Variants in ACOT11 observed in about 807,000 individuals in gnomAD.
ACOT11 encodes acyl-coenzyme A thioesterase 11.
In ACOT11, 69 loss-of-function variants were observed where a neutral mutation model predicts 77.5. That is an observed-to-expected ratio of 0.89 (90% CI 0.73 to 1.09). ACOT11 has a LOEUF of 1.09. Ranked by LOEUF, ACOT11 falls within the 50% of genes least tolerant of loss-of-function variation. The pLI, the probability that ACOT11 is intolerant of heterozygous loss-of-function variation, is 0.00. For synonymous variants in ACOT11, 279 were observed against 313.0 expected (o/e 0.89, Z 1.15); for missense variants, 766 against 813.7 (o/e 0.94, Z 0.71).
chr1:54,634,550 A>G (rs1030043286), intron 16 of ACOT11: 8 of 546,092 alleles, frequency 1.5e-5, no homozygotes, highest in Non-Finnish European at 2.6e-5. Flanking sequence ...AAAACAAAAA[A>G]GGTGGAAAAA....
At chr1:54,583,033 C>A (rs1486133555) in intron 1 of ACOT11, among the ~76,000 whole-genome samples, 1 of 152,170 alleles carries the variant, frequency 6.6e-6, no homozygotes, top group Non-Finnish European at 1.5e-5. Flanking sequence ...CGTATCCATG[C>A]AGGCCCCCAG....
chr1:54,620,960 G>C (rs1644224637), intron 15 of ACOT11, among the ~76,000 whole-genome samples: 1 of 146,038 alleles, frequency 6.8e-6, no homozygotes, highest in African/African-American at 2.5e-5. Flanking sequence ...AGGAGTTCAA[G>C]ACCAGCCTGG....
chr1:54,567,794 A>G (rs920925683), intron 1 of ACOT11, among the ~76,000 whole-genome samples: 1 of 151,306 alleles, frequency 6.6e-6, no homozygotes, highest in Admixed American at 6.6e-5. Flanking sequence ...TCCTGGCTCC[A>G]CCTCTCTGCC....
chr1:54,572,649 C>T (rs1653964122), intron 1 of ACOT11, among the ~76,000 whole-genome samples: 1 of 152,192 alleles, frequency 6.6e-6, no homozygotes, highest in African/African-American at 2.4e-5. Flanking sequence ...TCGCTTCTGG[C>T]CACTTTTGTG....
intron 16 of ACOT11, among the ~76,000 whole-genome samples, chr1:54,634,067 G>A (rs1644316206): frequency 6.6e-6 from 1 of 152,162 alleles, no homozygotes; most frequent in Non-Finnish European, 1.5e-5. Flanking sequence ...GATAGGGATT[G>A]GGAGAACTCG....
chr1:54,578,762 C>G (rs563019038), intron 1 of ACOT11, among the ~76,000 whole-genome samples: 1 of 151,778 alleles, frequency 6.6e-6, no homozygotes, highest in African/African-American at 2.4e-5. Context: ...GAAGCACCTA[C>G]CATTTGGAAG....
At chr1:54,635,344 G>T in exon 17 of ACOT11, 1 of 270,550 alleles carries the variant, frequency 3.7e-6, no homozygotes, top group East Asian at 1.4e-4. Context: ...GAAATGTTAA[G>T]TACGGCAAAA....
At chr1:54,592,717 T>C in intron 4 of ACOT11, 111 bp downstream of exon 4, 1 of 1,118,812 alleles carries the variant, frequency 8.9e-7, no homozygotes, top group Non-Finnish European at 1.3e-6. Context: ...GGGCCCTGAT[T>C]AGAGCAGCAG....
Position 54,594,641 on chromosome 1 carries a change from T to G in ACOT11, c.557T>G (p.Val186Gly). 6.2e-7 allele frequency: 1 copy of G among 1,614,116 alleles called. No homozygotes were observed. Among genetic ancestry groups the G allele is most frequent in the Non-Finnish European group, 8.5e-7 (1 of 1,179,970 alleles). Residue 186 changes from valine (V) to glycine (G), a missense_variant, in exon 6 of 16, where the codon GTC becomes GGC. Physicochemically the swap from Val to Gly is moderately radical, Grantham distance 109. Coordinates refer to ENST00000343744, the MANE Select transcript of ACOT11 (RefSeq NM_147161.4). Reference protein sequence around the residue: ...VAAERRRMRLVYADTIKDLLA... With the variant: ...VAAERRRMRLGYADTIKDLLA... ...GCTGAGCGCCGGCGCATGCGCCTTGTCTATGCAGACACCATCAAGGACCTC... is the reference window on the plus strand; with the variant it reads ...GCTGAGCGCCGGCGCATGCGCCTTGGCTATGCAGACACCATCAAGGACCTC...
chr1:54,632,710 A>T (rs2101034792), intron 16 of ACOT11, among the ~76,000 whole-genome samples: 1 of 152,352 alleles, frequency 6.6e-6, no homozygotes, highest in African/African-American at 2.4e-5. Context: ...ACTATTCAAG[A>T]AAAGAAATTT....
chr1:54,618,276 G>C (rs1247558697), intron 15 of ACOT11, among the ~76,000 whole-genome samples: 1 of 152,160 alleles, frequency 6.6e-6, no homozygotes, highest in Non-Finnish European at 1.5e-5. Context: ...GCCCGAGAAG[G>C]GCGGATCACT....
chr1:54,619,890 T>C (rs746664479), intron 15 of ACOT11: 1 of 1,614,052 alleles, frequency 6.2e-7, no homozygotes, highest in Non-Finnish European at 8.5e-7. Context: ...CATGGCTTTC[T>C]TGCTGTTGGC....
chr1:54,608,558 G>A (rs1644062628), intron 15 of ACOT11, among the ~76,000 whole-genome samples: 1 of 152,122 alleles, frequency 6.6e-6, no homozygotes, highest in South Asian at 2.1e-4. Flanking sequence ...GCCGGTGTTT[G>A]CTGAATTCAT....
At position 54,605,200 on chromosome 1, in the gene ACOT11, A is replaced by G. The variant is rs1400744851; in HGVS notation, c.1361A>G (p.Lys454Arg). The change falls in exon 13 of 16, where the codon AAG becomes AGG. Residue 454 changes from lysine to arginine, a missense_variant. Coordinates refer to ENST00000343744, the MANE Select transcript of ACOT11 (RefSeq NM_147161.4). Reference protein sequence around the residue: ...SDLRQRPEWDKHYRSVELVQQ... With the variant: ...SDLRQRPEWDRHYRSVELVQQ... ...CTGCGTCAGAGGCCAGAGTGGGACA[A>G]GCACTACCGGTGAGGGGCCAGGGTG... 6.2e-7 allele frequency: 1 copy of G among 1,613,296 alleles called. No individual in the cohort carries two copies. The highest frequency in any genetic ancestry group is 8.5e-7 in the Non-Finnish European group (1 of 1,179,994).
downstream of ACOT11, chr1:54,610,951 T>C: frequency 3.0e-6 from 3 of 985,348 alleles, no homozygotes; most frequent in Non-Finnish European, 3.6e-6. Context: ...GCTTAATGAA[T>C]ACAGTGGAGG....
In ACOT11 at chr1:54,615,892, A is replaced by G; in HGVS notation, c.1629+7824A>G. 2.1e-6 allele frequency: 2 copies of G among 941,258 alleles called. 1 individual carries two copies. The highest frequency in any genetic ancestry group is 3.3e-6 in the Non-Finnish European group (2 of 607,498). The allele number at this position is 941,258 out of a possible 1,614,324, so 58.3% of individuals were successfully genotyped here. ...GAGCCTGGGCATCTATAACATTGTG[A>G]TGAGAAAGCCAAGGCAATGAGCACC... On this transcript the variant is annotated intron_variant, in intron 15 of 16. Coordinates refer to the ACOT11 transcript ENST00000371316.
chr1:54,562,427 G>T (rs1653550683), intron 1 of ACOT11, among the ~76,000 whole-genome samples: 1 of 82,430 alleles, frequency 1.2e-5, no homozygotes. Context: ...GGACGGGGCG[G>T]CTGGCCGGGC....
intron 15 of ACOT11, among the ~76,000 whole-genome samples, chr1:54,626,613 G>A (rs774844148): frequency 1.3e-5 from 1 of 79,598 alleles, no homozygotes. Context: ...CAGGCTGACT[G>A]TGGGCCTATC....
chr1:54,610,526 T>G (rs992285849), downstream of ACOT11: 1 of 1,613,162 alleles, frequency 6.2e-7, no homozygotes, highest in African/African-American at 1.3e-5. Flanking sequence ...CTGCCTCCCG[T>G]GTAGTACATT....
Sources: gnomAD v4.1 joint callset for allele counts (sites outside exome capture counted in the v4.1 genomes callset) on GRCh38, gnomAD v4.1.1 for gene constraint, MANE v1.5 for transcripts, NCBI Gene and HGNC (gene_info 2026-07-23, HGNC 2026-07-21) for gene names.